PDE1C: variants seen among roughly 807,000 people sequenced by gnomAD.
The protein encoded by PDE1C is dual specificity calcium/calmodulin-dependent 3',5'-cyclic nucleotide phosphodiesterase 1C.
In PDE1C, 62 loss-of-function variants were observed where a neutral mutation model predicts 93.1. The ratio of observed to expected loss-of-function variants is 0.67; its 90% confidence interval spans 0.54 to 0.82. PDE1C has a LOEUF of 0.82. Ranked by LOEUF, PDE1C falls within the 40% of genes least tolerant of loss-of-function variation. PDE1C has a pLI of 0.00. For missense variants in PDE1C, 742 were observed against 884.6 expected, an observed-to-expected ratio of 0.84 and a Z score of 2.04; for synonymous variants, 325 against 310.1, an observed-to-expected ratio of 1.05 and a Z score of -0.50.
intron 3 of PDE1C, among the ~76,000 whole-genome samples, chr7:32,169,240 G>A (rs73104526): frequency 0.28 from 42,317 of 151,834 alleles, 6,019 homozygotes; most frequent in East Asian, 0.43. Context: ...GTGCAATGCC[G>A]AAAGAAAATA....
intron 2 of PDE1C, among the ~76,000 whole-genome samples, chr7:32,026,664 A>G (rs774278167): frequency 6.6e-6 from 1 of 152,108 alleles, no homozygotes; most frequent in Non-Finnish European, 1.5e-5. Flanking sequence ...TCTGGGAATC[A>G]TATATTCCTT....
At chr7:32,211,601 G>A (rs1487488404) in intron 1 of PDE1C, among the ~76,000 whole-genome samples, 1 of 151,532 alleles carries the variant, frequency 6.6e-6, no homozygotes, top group African/African-American at 2.4e-5. Context: ...GGGGGGGTAA[G>A]AAAAGAGAGA....
the PDE1C span, among the ~76,000 whole-genome samples, chr7:31,712,286 G>GTGAATGAA: frequency 0.38 from 56,882 of 151,330 alleles, 11,167 homozygotes; most frequent in East Asian, 0.67. Flanking sequence ...GAGTGAGTGA[G>GTGAATGAA]TGAATGAATG....
chr7:32,298,658 G>A, exon 1 of PDE1C: 12 of 1,605,976 alleles, frequency 7.5e-6, no homozygotes, highest in Non-Finnish European at 9.3e-6. Context: ...CACCTATGGT[G>A]AAGCTGTAGC....
At chr7:32,356,502 T>C (rs1784031899) in intron 1 of PDE1C, among the ~76,000 whole-genome samples, 1 of 152,188 alleles carries the variant, frequency 6.6e-6, no homozygotes, top group Non-Finnish European at 1.5e-5. Flanking sequence ...AACCCAGGTG[T>C]TTTGAATTAT....
chr7:31,853,820 C>T (rs983791617), intron 7 of PDE1C, among the ~76,000 whole-genome samples: 4 of 151,928 alleles, frequency 2.6e-5, no homozygotes, highest in Non-Finnish European at 5.9e-5. Flanking sequence ...AGCAAACCTC[C>T]CACCTCAGCC....
At chr7:31,936,904 G>C (rs1805163589) in intron 2 of PDE1C, among the ~76,000 whole-genome samples, 2 of 152,104 alleles carry the variant, frequency 1.3e-5, no homozygotes, top group South Asian at 4.2e-4. Context: ...GTTACAGCTT[G>C]CTTTTATACA....
chr7:31,693,013 A>G, the PDE1C span, among the ~76,000 whole-genome samples: 1 of 150,262 alleles, frequency 6.7e-6, no homozygotes, highest in African/African-American at 2.5e-5. Flanking sequence ...TAACCTTTGT[A>G]ATGAAAATAC....
intron 9 of PDE1C, among the ~76,000 whole-genome samples, chr7:31,844,520 C>G (rs1277456092): frequency 2.6e-5 from 4 of 151,866 alleles, no homozygotes; most frequent in African/African-American, 9.7e-5. Context: ...GAATAGTCTA[C>G]TGTGATTCAA....
intron 2 of PDE1C, among the ~76,000 whole-genome samples, chr7:31,931,561 ACAAAC>A (rs2128981588): frequency 6.6e-6 from 1 of 152,358 alleles, no homozygotes; most frequent in Non-Finnish European, 1.5e-5. Flanking sequence ...AAGGAGAACT[ACAAAC>A]CACTGTTCAA....
chr7:31,912,084 C>T (rs370690126), intron 2 of PDE1C, among the ~76,000 whole-genome samples: 1 of 152,220 alleles, frequency 6.6e-6, no homozygotes, highest in South Asian at 2.1e-4. Context: ...AAAAGGGTTA[C>T]TCTACAGAGG....
At chr7:31,832,591 C>A (rs1002422743) in intron 11 of PDE1C, among the ~76,000 whole-genome samples, 5 of 152,144 alleles carry the variant, frequency 3.3e-5, no homozygotes, top group Non-Finnish European at 7.4e-5. Context: ...TAGTTAAGAA[C>A]TGAGGCAGCA....
chr7:32,264,489 C>T (rs941820757), intron 1 of PDE1C, among the ~76,000 whole-genome samples: 1 of 152,206 alleles, frequency 6.6e-6, no homozygotes, highest in Admixed American at 6.5e-5. Flanking sequence ...AAACCAATGC[C>T]TTTTACACTC....
At chr7:32,170,856 T>G (rs7795398) in intron 2 of PDE1C, among the ~76,000 whole-genome samples, 1 of 151,758 alleles carries the variant, frequency 6.6e-6, no homozygotes, top group East Asian at 2.0e-4. Flanking sequence ...CCACACCCCA[T>G]CTACCTCCCT....
At chr7:31,655,917 T>A in the PDE1C span, 1 of 985,380 alleles carries the variant, frequency 1.0e-6, no homozygotes, top group Admixed American at 6.2e-5. Flanking sequence ...GGCAGCCATC[T>A]GCTTTACCAG....
intron 1 of PDE1C, among the ~76,000 whole-genome samples, chr7:32,276,173 CA>C (rs1811272651): frequency 1.3e-5 from 2 of 152,132 alleles, no homozygotes; most frequent in Non-Finnish European, 2.9e-5. Flanking sequence ...AAATACTTAA[CA>C]TGTATTAGCT....
rs1392885489 is a variant in PDE1C at position 31,809,026 on chromosome 7, C to T, written c.1891+5G>A. 6.6e-7 allele frequency: 1 copy of T among 1,507,380 alleles called. No homozygotes were observed. Among genetic ancestry groups the T allele is most frequent in the Non-Finnish European group, 9.2e-7 (1 of 1,084,904 alleles). 93.4% of individuals were successfully genotyped at this position (1,507,380 alleles called of 1,614,324 possible). On this transcript the variant is annotated splice_donor_5th_base_variant and intron_variant, in intron 16 of 17. Coordinates refer to ENST00000396191, the MANE Select transcript of PDE1C (RefSeq NM_001191057.4). ...GGAAAAATGTAATGAGAATAATACT[C>T]TTACCATCTGTTTTCTTTGAATCAT...
At chr7:31,668,763 G>A in the PDE1C span, among the ~76,000 whole-genome samples, 1 of 151,878 alleles carries the variant, frequency 6.6e-6, no homozygotes, top group Non-Finnish European at 1.5e-5. Flanking sequence ...TATGGTGATG[G>A]TTGCACAATT....
At chr7:31,728,128 A>G in the PDE1C span, among the ~76,000 whole-genome samples, 1 of 152,222 alleles carries the variant, frequency 6.6e-6, no homozygotes, top group African/African-American at 2.4e-5. Flanking sequence ...ACATGGGGTA[A>G]ATCCTGTGAG....
Sources: allele counts gnomAD v4.1 joint callset (sites outside exome capture counted in the v4.1 genomes callset), GRCh38; gene constraint gnomAD v4.1.1; transcripts MANE v1.5; gene names NCBI Gene and HGNC (gene_info 2026-07-23, HGNC 2026-07-21).